The following GARRE1 variants were observed in gnomAD, a reference collection of about 807,000 sequenced individuals.
GARRE1 encodes granule associated Rac and RHOG effector 1, also known as granule associated Rac and RHOG effector protein 1.
A neutral mutation model predicts 103.2 loss-of-function variants in GARRE1; 49 were observed. The ratio of observed to expected loss-of-function variants is 0.47; its 90% confidence interval spans 0.38 to 0.60. The LOEUF is 0.60. Ranked by LOEUF, GARRE1 falls within the 20% of genes least tolerant of loss-of-function variation. The pLI is 0.00. For synonymous variants in GARRE1, 505 were observed against 532.8 expected (o/e 0.95, Z 0.72); for missense variants, 1,199 against 1,370.5 (o/e 0.87, Z 1.98).
intron 1 of GARRE1, among the ~76,000 whole-genome samples, chr19:34,292,150 C>T (rs1308108521): frequency 6.6e-6 from 1 of 152,196 alleles, no homozygotes; most frequent in African/African-American, 2.4e-5. Flanking sequence ...GCGTGAGCCA[C>T]CGCACCCGCC....
intron 1 of GARRE1, among the ~76,000 whole-genome samples, chr19:34,292,207 A>ACTGATACATTG (rs1196916159): frequency 6.6e-6 from 1 of 150,996 alleles, no homozygotes; most frequent in East Asian, 2.0e-4. Context: ...TAGACATTTC[A>ACTGATACATTG]TATCAGTAGA....
At chr19:34,286,776 C>T (rs2073889614) in intron 1 of GARRE1, among the ~76,000 whole-genome samples, 1 of 152,152 alleles carries the variant, frequency 6.6e-6, no homozygotes, top group South Asian at 2.1e-4. Flanking sequence ...GCTGGGATTA[C>T]AGGCGTGAGC....
At chr19:34,351,674 A>T in intron 13 of GARRE1, 82 bp downstream of exon 13, 1 of 936,794 alleles carries the variant, frequency 1.1e-6, no homozygotes, top group Non-Finnish European at 1.7e-6. Context: ...GTAATGAGGG[A>T]TCTTCTTTGT....
At chr19:34,321,709 CT>C (rs1482409872) in intron 3 of GARRE1, among the ~76,000 whole-genome samples, 2 of 152,280 alleles carry the variant, frequency 1.3e-5, no homozygotes, top group East Asian at 3.9e-4. Flanking sequence ...AACTCCTGAC[CT>C]TGTGATCCAC....
chr19:34,321,268 G>A (rs2074087627), intron 3 of GARRE1, among the ~76,000 whole-genome samples: 1 of 127,264 alleles, frequency 7.9e-6, no homozygotes, highest in Non-Finnish European at 1.6e-5. Flanking sequence ...AGTAGAGACA[G>A]GGTTTCATCG....
At chr19:34,348,137 T>C (rs2074221252) in intron 11 of GARRE1, 95 bp downstream of exon 11, 1 of 1,089,036 alleles carries the variant, frequency 9.2e-7, no homozygotes, top group Non-Finnish European at 1.2e-6. Flanking sequence ...TGTGCATTCT[T>C]TTCAGGCAGT....
At chr19:34,296,340 G>A in intron 1 of GARRE1, 1 of 1,006,848 alleles carries the variant, frequency 9.9e-7, no homozygotes, top group South Asian at 1.3e-5. Context: ...TGAAGCTGGA[G>A]CTGCAGTCTG....
chr19:34,270,168 C>T (rs2073778142), intron 1 of GARRE1, among the ~76,000 whole-genome samples: 1 of 152,242 alleles, frequency 6.6e-6, no homozygotes, highest in Non-Finnish European at 1.5e-5. Flanking sequence ...TGAGGCGGCT[C>T]CTGGCTGGCT....
intron 1 of GARRE1, among the ~76,000 whole-genome samples, chr19:34,274,880 C>T (rs372981541): frequency 1.3e-5 from 2 of 152,204 alleles, no homozygotes; most frequent in South Asian, 4.1e-4. Flanking sequence ...AAGGAACGTC[C>T]GAGCAAAGCA....
At chr19:34,296,501 AACCTCCTTGGGCTTT>A (rs1341322864) in intron 1 of GARRE1, 1 of 1,594,870 alleles carries the variant, frequency 6.3e-7, no homozygotes. Flanking sequence ...TCTTGGGCTT[AACCTCCTTGGGCTTT>A]ACGAGGGCCT....
At position 34,354,078 on chromosome 19, in the gene GARRE1, CAT is replaced by C. The variant is rs1466235639; in HGVS notation, c.*1126_*1127del. 1.3e-5 allele frequency: 2 copies of C among 152,504 alleles called. No individual in the cohort carries two copies. Among genetic ancestry groups the C allele is most frequent in the African/African-American group, 4.8e-5 (2 of 41,422 alleles). The allele number at this position is 152,504 out of a possible 1,614,324, so 9.4% of individuals were successfully genotyped here. A position where few individuals can be genotyped will look rare whatever the true frequency, so the allele number is the denominator to read the frequency against. ...AATAAATATATCTATATAGAATAGA[CAT>C]ATCCCACTGTATATTAATTGAGGTT... On this transcript the variant is annotated 3_prime_UTR_variant, in exon 14 of 14. Coordinates refer to ENST00000299505, the MANE Select transcript of GARRE1 (RefSeq NM_014686.5).
Position 34,348,841 on chromosome 19 carries a change from G to A in GARRE1, c.2688-175G>A, listed in dbSNP as rs2074224461. The A allele has an allele frequency of 8.9e-6, 6 of 677,196 alleles. No individual in the cohort carries two copies. The East Asian group carries it at 1.5e-4, about 17-fold the overall frequency. The allele number at this position is 677,196 out of a possible 1,614,324, so 41.9% of individuals were successfully genotyped here. A position where few individuals can be genotyped will look rare whatever the true frequency, so the allele number is the denominator to read the frequency against. On this transcript the variant is annotated intron_variant, in intron 11 of 13. Coordinates refer to ENST00000299505, the MANE Select transcript of GARRE1 (RefSeq NM_014686.5). Reference sequence around the variant, plus strand: ...AGGAATAAAGGGAATTGATGAATATGTATTACTTTTGAAATAAGGCAAAGG... The same window carrying A: ...AGGAATAAAGGGAATTGATGAATATATATTACTTTTGAAATAAGGCAAAGG...
chr19:34,330,060 G>A, intron 6 of GARRE1, 129 bp from the exon 7 acceptor site: 1 of 846,298 alleles, frequency 1.2e-6, no homozygotes, highest in Non-Finnish European at 1.8e-6. Context: ...ACTGCAGCTT[G>A]GACGATAGAA....
rs746221972 is a variant in GARRE1, at chr19:34,342,425, C to T, written c.2491C>T (p.Leu831=). 6.8e-6 allele frequency: 11 copies of T among 1,613,314 alleles called. No individual in the cohort carries two copies. Among genetic ancestry groups the T allele is most frequent in the Non-Finnish European group, 9.3e-6 (11 of 1,179,446 alleles). ...RDQSDGVFGM[L]GEILPFDPAV... ...CCAAAGTGATGGAGTCTTTGGAATG[C>T]TGGGAGAGATTCTGCCTTTTGATCC... Residue 831 remains leucine, a synonymous_variant, in exon 10 of 14, where the codon CTG becomes TTG. Transcript: ENST00000299505.
intron 2 of GARRE1, among the ~76,000 whole-genome samples, chr19:34,312,691 C>T (rs2074042614): frequency 6.6e-6 from 1 of 152,150 alleles, no homozygotes; most frequent in South Asian, 2.1e-4. Flanking sequence ...CTTTGGGAGG[C>T]TGAGGTGGGT....
intron 1 of GARRE1, among the ~76,000 whole-genome samples, chr19:34,272,048 A>C (rs570131075): frequency 1.1e-4 from 17 of 152,304 alleles, no homozygotes; most frequent in Admixed American, 2.0e-4. Flanking sequence ...CAGTTGCTGT[A>C]GAAGAGGCAC....
chr19:34,345,673 T>A (rs2145283533), intron 10 of GARRE1, among the ~76,000 whole-genome samples: 1 of 152,076 alleles, frequency 6.6e-6, no homozygotes, highest in South Asian at 2.1e-4. Flanking sequence ...TACAAAAAAA[T>A]TAGCCAGGTG....
Position 34,299,746 on chromosome 19 carries a change from G to GC in GARRE1, c.-725dup, listed in dbSNP as rs2073966838. ...CTTCAGACTTTACAACTGAGGGCCA[G>GC]CCCAGTCTGGAAGCATCTCTTATTA... On this transcript the variant is annotated 5_prime_UTR_variant, in exon 2 of 14. Coordinates refer to ENST00000299505, the MANE Select transcript of GARRE1 (RefSeq NM_014686.5). 1 of 152,084 alleles carries GC rather than the reference G, an allele frequency of 6.6e-6. No individual in the cohort carries two copies. The highest frequency in any genetic ancestry group is 1.9e-4 in the East Asian group (1 of 5,200). 9.4% of individuals were successfully genotyped at this position (152,084 alleles called of 1,614,324 possible).
At chr19:34,291,861 CTTTT>C (rs35386109) in intron 1 of GARRE1, among the ~76,000 whole-genome samples, 1 of 142,118 alleles carries the variant, frequency 7.0e-6, no homozygotes. Flanking sequence ...CATAAATCTA[CTTTT>C]TTTTTTTTTT....
Sources: allele counts gnomAD v4.1 joint callset (sites outside exome capture counted in the v4.1 genomes callset), GRCh38; gene constraint gnomAD v4.1.1; transcripts MANE v1.5; gene names NCBI Gene and HGNC (gene_info 2026-07-23, HGNC 2026-07-21).